Variants in ASCC2 observed in about 807,000 individuals in gnomAD.
The protein encoded by ASCC2 is activating signal cointegrator 1 complex subunit 2, also known as ASC-1 complex subunit P100.
ASCC2 carries 42 observed loss-of-function variants against 93.5 expected under a neutral mutation model. The ratio of observed to expected loss-of-function variants is 0.45; its 90% CI spans 0.35 to 0.58. ASCC2 has a LOEUF of 0.58. Among genes scored for constraint, ASCC2 ranks in the 20% least tolerant of loss-of-function variants. ASCC2 has a pLI of 0.00. For synonymous variants in ASCC2, 364 were observed against 384.2 expected, an observed-to-expected ratio of 0.95 and a Z score of 0.62; for missense variants, 859 against 977.6, an observed-to-expected ratio of 0.88 and a Z score of 1.62.
At chr22:29,806,630 T>G (rs2059703386) in intron 10 of ASCC2, 77 bp from the exon 11 acceptor site, 5 of 1,490,264 alleles carry the variant, frequency 3.4e-6, no homozygotes, top group Non-Finnish European at 3.7e-6. Flanking sequence ...CCGCTGCCCC[T>G]CTTTAAGGCT....
Position 29,822,388 on chromosome 22 carries a change from T to A in ASCC2, c.488A>T (p.Asp163Val), listed in dbSNP as rs2061674636. 1 of 1,613,828 alleles carries A rather than the reference T, an allele frequency of 6.2e-7. No homozygotes were observed. Among genetic ancestry groups the A allele is most frequent in the African/African-American group, 1.3e-5 (1 of 74,872 alleles). ...GCCTTTTCCAAAGAGCACGCAGAGG[T>A]CCAGGATCTTTGGAATGTCAAAGAG... The part of the protein sequence containing the change: ...NFLFDIPKIL[D>V]LCVLFGKGNS... The change falls in exon 5 of 20, where the codon GAC (aspartate) becomes GTC (valine). Residue 163 changes from aspartate to valine, a missense_variant. By Grantham distance (152) the Asp-to-Val change is radical. Transcript: ENST00000307790.
At chr22:29,823,622 C>T (rs138023139) in intron 4 of ASCC2, among the ~76,000 whole-genome samples, 1,563 of 152,110 alleles carry the variant, frequency 0.01, 26 homozygotes, top group African/African-American at 0.036. Flanking sequence ...CCGAGGCAGA[C>T]GGATCACGTG....
At chr22:29,832,101 G>A in intron 2 of ASCC2, 144 bp downstream of exon 2, 3 of 673,804 alleles carry the variant, frequency 4.5e-6, no homozygotes, top group Non-Finnish European at 7.5e-6. Flanking sequence ...GGGCCTGGAA[G>A]AGACTAGTAG....
intron 7 of ASCC2, among the ~76,000 whole-genome samples, chr22:29,813,955 C>T (rs1654236761): frequency 6.6e-6 from 1 of 152,218 alleles, no homozygotes; most frequent in African/African-American, 2.4e-5. Context: ...ACACTTTCTT[C>T]TAAGTTTCTT....
Position 29,806,519 on chromosome 22 carries a change from G to A in ASCC2, c.1051C>T (p.Leu351Phe). 1 of 1,614,010 alleles carries A rather than the reference G, an allele frequency of 6.2e-7. No individual in the cohort carries two copies. The highest frequency in any genetic ancestry group is 8.5e-7 in the Non-Finnish European group (1 of 1,179,956). ...TGCAGCAAGGAGCTGAAGATCTGAA[G>A]GAACTCTTCGATGAAGCCCTGAATG... is the stretch of plus-strand genomic sequence containing the variant. The part of the protein sequence containing the change: ...DNIQGFIEEF[L>F]QIFSSLLQEK... The change falls in exon 11 of 20, where the codon CTT becomes TTT. Residue 351 changes from leucine to phenylalanine, a missense_variant. Leu to Phe is a conservative substitution (Grantham distance 22). Coordinates refer to ENST00000307790, the MANE Select transcript of ASCC2 (RefSeq NM_032204.5).
At chr22:29,796,851 A>G (rs933344032) in intron 15 of ASCC2, among the ~76,000 whole-genome samples, 10 of 152,154 alleles carry the variant, frequency 6.6e-5, no homozygotes, top group Admixed American at 5.9e-4. Context: ...GAGAGGCATC[A>G]CCATCCTTTC....
At chr22:29,800,578 G>A (rs1026653123) in intron 15 of ASCC2, among the ~76,000 whole-genome samples, 4 of 152,114 alleles carry the variant, frequency 2.6e-5, no homozygotes, top group African/African-American at 9.7e-5. Flanking sequence ...GCCTTAAAGT[G>A]GAATATGTTC....
Position 29,804,520 on chromosome 22 carries a change from A to G in ASCC2, c.1353+118T>C. ...AGTTGCTTGAGGCTGTCTATTCCCCAAAAAAACTTTTTCCCTGAGTATAAA... is the reference window on the plus strand; with the variant it reads ...AGTTGCTTGAGGCTGTCTATTCCCCGAAAAAACTTTTTCCCTGAGTATAAA... On this transcript the variant is annotated intron_variant, in intron 13 of 19. Transcript: ENST00000307790. 3 of 1,308,148 alleles carry G rather than the reference A, an allele frequency of 2.3e-6. No homozygotes were observed. The African/African-American group carries it at 4.4e-5, about 19-fold the overall frequency. 81.0% of individuals were successfully genotyped at this position (1,308,148 alleles called of 1,614,324 possible).
intron 15 of ASCC2, among the ~76,000 whole-genome samples, chr22:29,795,812 C>T (rs1349953240): frequency 2.6e-5 from 4 of 152,096 alleles, no homozygotes; most frequent in African/African-American, 9.7e-5. Flanking sequence ...CATACCCAGG[C>T]CTGTGGAATG....
In ASCC2 at chr22:29,838,259, C is replaced by T; in HGVS notation, c.-99G>A. 2.2e-6 allele frequency: 1 copy of T among 464,566 alleles called. No homozygotes were observed. The highest frequency in any genetic ancestry group is 4.3e-6 in the Non-Finnish European group (1 of 230,252). The allele number at this position is 464,566 out of a possible 1,614,324, so 28.8% of individuals were successfully genotyped here. A position where few individuals can be genotyped will look rare whatever the true frequency, so the allele number is the denominator to read the frequency against. ...GGTGACAGCTCCCTGAGCGCCCGCACTTCCGGGGTCAAACTGCGATTCCGC... is the reference window on the plus strand; with the variant it reads ...GGTGACAGCTCCCTGAGCGCCCGCATTTCCGGGGTCAAACTGCGATTCCGC... On this transcript the variant is annotated 5_prime_UTR_variant, in exon 1 of 20. It adds an upstream start codon to the 5' untranslated region. Transcript: ENST00000307790.
chr22:29,814,840 C>A, intron 6 of ASCC2, 73 bp from the exon 7 acceptor site: 1 of 1,259,404 alleles, frequency 7.9e-7, no homozygotes, highest in South Asian at 1.3e-5. Context: ...CAGCCAGGGT[C>A]AGGTGATCTG....
At chr22:29,812,103 G>A (rs750930891) in intron 8 of ASCC2, among the ~76,000 whole-genome samples, 9 of 152,180 alleles carry the variant, frequency 5.9e-5, no homozygotes, top group East Asian at 1.9e-4. Flanking sequence ...AAGCTGAGGC[G>A]ACCAGGGAGG....
chr22:29,793,201 C>T (rs1163995867), intron 17 of ASCC2, among the ~76,000 whole-genome samples, 159 bp downstream of exon 17: 1 of 152,176 alleles, frequency 6.6e-6, no homozygotes, highest in Non-Finnish European at 1.5e-5. Context: ...AATGCTGCCC[C>T]ATTCAGGGTG....
At chr22:29,806,634 T>C (rs2059704216) in intron 10 of ASCC2, 81 bp from the exon 11 acceptor site, 1 of 1,490,036 alleles carries the variant, frequency 6.7e-7, no homozygotes, top group Non-Finnish European at 9.3e-7. Context: ...TGCCCCTCTT[T>C]AAGGCTGGGG....
At chr22:29,826,766 G>A (rs1159336817) in intron 2 of ASCC2, among the ~76,000 whole-genome samples, 2 of 152,048 alleles carry the variant, frequency 1.3e-5, no homozygotes, top group African/African-American at 4.8e-5. Context: ...CATCTGATGG[G>A]TGTCCTTGCA....
chr22:29,814,826 G>A, intron 6 of ASCC2, 59 bp from the exon 7 acceptor site: 1 of 1,402,714 alleles, frequency 7.1e-7, no homozygotes, highest in Admixed American at 2.0e-5. Context: ...AGGACCCCTG[G>A]CAGCAGCCAG....
At chr22:29,796,204 G>A (rs934742755) in intron 15 of ASCC2, among the ~76,000 whole-genome samples, 2 of 152,090 alleles carry the variant, frequency 1.3e-5, no homozygotes, top group African/African-American at 4.8e-5. Flanking sequence ...CACCAGCCGG[G>A]TTCAAGCGAT....
chr22:29,792,810 G>GA (rs144740491), intron 17 of ASCC2, among the ~76,000 whole-genome samples: 7,678 of 152,166 alleles, frequency 0.05, 281 homozygotes, highest in Admixed American at 0.075. Context: ...CTGTATTGGG[G>GA]AATCGCTGTA....
At chr22:29,792,643 G>A in intron 17 of ASCC2, 108 bp from the exon 18 acceptor site, 14 of 1,463,624 alleles carry the variant, frequency 9.6e-6, no homozygotes, top group Non-Finnish European at 1.3e-5. Context: ...GGAGGGCTCA[G>A]GAGGTTGGGA....
Sources: gnomAD v4.1 joint callset for allele counts (sites outside exome capture counted in the v4.1 genomes callset) on GRCh38, gnomAD v4.1.1 for gene constraint, MANE v1.5 for transcripts, NCBI Gene and HGNC (gene_info 2026-07-23, HGNC 2026-07-21) for gene names.